The following TBC1D1 variants were observed in gnomAD, a reference collection of about 807,000 sequenced individuals.
TBC1D1 encodes the protein TBC1 domain family member 1.
TBC1D1 carries 89 observed loss-of-function variants against 125.6 expected under a neutral mutation model. The observed-to-expected ratio is 0.71, with a 90% confidence interval of 0.60 to 0.85. The LOEUF is 0.85. Among genes scored for constraint, TBC1D1 ranks in the 40% least tolerant of loss-of-function variants. The pLI is 0.00. For missense variants in TBC1D1, 1,377 were observed against 1,469.2 expected (o/e 0.94, Z 1.03); for synonymous variants, 565 against 564.1 (o/e 1.00, Z -0.02).
chr4:38,037,092 A>C (rs1347290007), intron 8 of TBC1D1, among the ~76,000 whole-genome samples: 1 of 152,070 alleles, frequency 6.6e-6, no homozygotes, highest in Non-Finnish European at 1.5e-5. Context: ...ATTTTGAAGT[A>C]ATTTATAACT....
chr4:38,111,326 A>T (rs1762167540), intron 15 of TBC1D1, among the ~76,000 whole-genome samples: 1 of 152,238 alleles, frequency 6.6e-6, no homozygotes, highest in African/African-American at 2.4e-5. Context: ...TGATGGAAGG[A>T]TGCCATTCAC....
At chr4:37,910,573 T>G (rs575429282) in intron 2 of TBC1D1, among the ~76,000 whole-genome samples, 1 of 152,304 alleles carries the variant, frequency 6.6e-6, no homozygotes, top group Non-Finnish European at 1.5e-5. Context: ...ATGTTCTCAC[T>G]TATTTATGGG....
chr4:37,915,351 T>C (rs1719504665), intron 2 of TBC1D1, among the ~76,000 whole-genome samples: 1 of 152,164 alleles, frequency 6.6e-6, no homozygotes, highest in Admixed American at 6.5e-5. Context: ...ATTTGCAAGC[T>C]GGATACCCAG....
At chr4:38,056,781 C>G (rs1050076593) in intron 12 of TBC1D1, among the ~76,000 whole-genome samples, 1 of 152,202 alleles carries the variant, frequency 6.6e-6, no homozygotes, top group East Asian at 1.9e-4. Flanking sequence ...GCACTCCAGC[C>G]TGGGCAACAG....
intron 14 of TBC1D1, among the ~76,000 whole-genome samples, chr4:38,099,878 T>C (rs2152553538): frequency 6.6e-6 from 1 of 152,342 alleles, no homozygotes; most frequent in South Asian, 2.1e-4. Flanking sequence ...CCACAATATC[T>C]GGTACTGTCC....
rs140986734 is a variant in TBC1D1, at chr4:38,100,976, C to G, written c.2399-2023C>G. Among the ~76,000 whole-genome samples the G allele has an allele frequency of 5.7e-4, 87 of 152,322 alleles. 1 individual carries two copies. The highest frequency in any genetic ancestry group is 1.9e-3 in the African/African-American group (81 of 41,570). ...ATGGCAGTCAGCATCCCTGGGCTGT[C>G]ACTCACCGGCCTAATGACCTAGGGC... On this transcript the variant is annotated intron_variant, in intron 14 of 19. Coordinates refer to ENST00000261439, the MANE Select transcript of TBC1D1 (RefSeq NM_015173.4).
chr4:37,974,640 G>T (rs570152230), intron 2 of TBC1D1, among the ~76,000 whole-genome samples: 4 of 152,182 alleles, frequency 2.6e-5, no homozygotes, highest in African/African-American at 9.6e-5. Context: ...TCACTGCAAC[G>T]TAGGCCTCCC....
At chr4:38,097,992 C>T (rs1320794407) in intron 14 of TBC1D1, among the ~76,000 whole-genome samples, 1 of 152,252 alleles carries the variant, frequency 6.6e-6, no homozygotes, top group African/African-American at 2.4e-5. Flanking sequence ...GCTGGGTTCA[C>T]ACCACCGTAC....
intron 2 of TBC1D1, among the ~76,000 whole-genome samples, chr4:38,001,145 G>A (rs1178549470): frequency 5.9e-5 from 9 of 152,172 alleles, no homozygotes; most frequent in Middle Eastern, 3.4e-3. Flanking sequence ...GCGTGAACCT[G>A]GGAGTCAGAG....
chr4:38,072,383 C>T (rs958365204), intron 12 of TBC1D1, among the ~76,000 whole-genome samples: 5 of 152,222 alleles, frequency 3.3e-5, no homozygotes, highest in African/African-American at 1.2e-4. Flanking sequence ...ACCCCGTGAG[C>T]TTTTCTCTGT....
At chr4:37,944,463 T>G (rs1343523704) in intron 2 of TBC1D1, among the ~76,000 whole-genome samples, 1 of 152,226 alleles carries the variant, frequency 6.6e-6, no homozygotes, top group Non-Finnish European at 1.5e-5. Flanking sequence ...CAGGCATCCT[T>G]GAGCTGTGGT....
At chr4:38,084,088 C>T (rs751962710) in intron 12 of TBC1D1, among the ~76,000 whole-genome samples, 3 of 152,124 alleles carry the variant, frequency 2.0e-5, no homozygotes, top group Non-Finnish European at 2.9e-5. Context: ...TAGGCGCCTG[C>T]CATGGCGCCC....
intron 1 of TBC1D1, among the ~76,000 whole-genome samples, chr4:37,899,913 G>T (rs1390119224): frequency 6.6e-6 from 1 of 152,076 alleles, no homozygotes; most frequent in Admixed American, 6.5e-5. Context: ...GAGGTCAGGA[G>T]ATCGAGACCA....
chr4:37,937,743 T>G (rs1724686367), intron 2 of TBC1D1, among the ~76,000 whole-genome samples: 1 of 152,126 alleles, frequency 6.6e-6, no homozygotes, highest in African/African-American at 2.4e-5. Flanking sequence ...TAATTTGAAG[T>G]TTTTTGCCTG....
rs532242666 is a variant in TBC1D1 at position 38,078,207 on chromosome 4, C to T, written c.2051-11725C>T. On this transcript the variant is annotated intron_variant, in intron 12 of 19. Coordinates refer to ENST00000261439, the MANE Select transcript of TBC1D1 (RefSeq NM_015173.4). ...TCTGGCACCCCCAGGCCTTCCCTCCCGCTTCAAAAAAATTCTGAATTGTGC... is the reference window on the plus strand; with the variant it reads ...TCTGGCACCCCCAGGCCTTCCCTCCTGCTTCAAAAAAATTCTGAATTGTGC... Among the ~76,000 whole-genome samples the T allele has an allele frequency of 2.3e-3, 344 of 152,264 alleles. 1 individual carries two copies. The highest frequency in any genetic ancestry group is 3.7e-3 in the Non-Finnish European group (254 of 68,010).
chr4:37,912,458 T>C (rs1406063428), intron 2 of TBC1D1, among the ~76,000 whole-genome samples: 3 of 152,120 alleles, frequency 2.0e-5, no homozygotes, highest in East Asian at 3.8e-4. Context: ...AGAGATGAGA[T>C]AGGAAGGAAG....
At chr4:37,905,313 T>C (rs539219334) in intron 2 of TBC1D1, among the ~76,000 whole-genome samples, 4 of 152,364 alleles carry the variant, frequency 2.6e-5, no homozygotes, top group African/African-American at 9.6e-5. Context: ...TTGTAAGCAA[T>C]GTTAACAGCC....
At chr4:38,121,986 C>T (rs773027363) in intron 17 of TBC1D1, among the ~76,000 whole-genome samples, 2 of 152,200 alleles carry the variant, frequency 1.3e-5, no homozygotes, top group African/African-American at 2.4e-5. Flanking sequence ...ACTCTGAATT[C>T]AAGCACATTC....
chr4:38,132,857 G>A, intron 18 of TBC1D1: 1 of 214,890 alleles, frequency 4.7e-6, no homozygotes, highest in Non-Finnish European at 9.4e-6. Flanking sequence ...TGTACTTAAT[G>A]TTACCTTGGA....
Sources: gnomAD v4.1 joint callset for allele counts (sites outside exome capture counted in the v4.1 genomes callset) on GRCh38, gnomAD v4.1.1 for gene constraint, MANE v1.5 for transcripts, NCBI Gene and HGNC (gene_info 2026-07-23, HGNC 2026-07-21) for gene names.